The following SPRY3 variants were observed in gnomAD, a reference collection of about 807,000 sequenced individuals.
SPRY3 encodes the protein protein sprouty homolog 3.
Under a neutral mutation model 20.2 loss-of-function variants are expected in SPRY3, and 15 were observed. The ratio of observed to expected loss-of-function variants is 0.74; its 90% CI spans 0.50 to 1.14. The LOEUF is 1.14. Among genes scored for constraint, SPRY3 ranks in the 50% most tolerant of loss-of-function variants. The pLI, the probability that SPRY3 is intolerant of heterozygous loss-of-function variation, is 0.00. For synonymous variants in SPRY3, 143 were observed against 136.5 expected, an observed-to-expected ratio of 1.05 and a Z score of -0.33; for missense variants, 364 against 363.9, an observed-to-expected ratio of 1.00 and a Z score of 0.00.
At chrX:155,679,089 C>T (rs1253661160) in intron 2 of SPRY3, among the ~76,000 whole-genome samples, 1 of 111,046 alleles carries the variant, frequency 9.0e-6, no homozygotes, top group Non-Finnish European at 1.9e-5. Flanking sequence ...GGAGAAATAG[C>T]TAATGTAAAT....
intron 2 of SPRY3, among the ~76,000 whole-genome samples, chrX:155,764,728 G>C (rs2091317788): frequency 6.6e-6 from 1 of 152,110 alleles, no homozygotes; most frequent in Admixed American, 6.5e-5. Flanking sequence ...GGAGCACAAA[G>C]AAGAGGACAA....
chrX:155,711,215 T>C (rs2090983871), intron 2 of SPRY3, among the ~76,000 whole-genome samples: 1 of 151,754 alleles, frequency 6.6e-6, no homozygotes, highest in Non-Finnish European at 1.5e-5. Flanking sequence ...TTTTTTAAAA[T>C]AGTTTGAGTA....
At chrX:155,718,344 G>T (rs1311272654) in intron 2 of SPRY3, among the ~76,000 whole-genome samples, 1 of 152,058 alleles carries the variant, frequency 6.6e-6, no homozygotes, top group East Asian at 1.9e-4. Context: ...CACCCTCCCA[G>T]ATAGCACTGT....
chrX:155,725,294 C>T (rs1258114439), intron 2 of SPRY3, among the ~76,000 whole-genome samples: 6 of 152,106 alleles, frequency 3.9e-5, no homozygotes, highest in Non-Finnish European at 7.4e-5. Context: ...TTTGTTGTGC[C>T]TCTGCCAGGC....
At chrX:155,747,328 G>C (rs2091232642) in intron 2 of SPRY3, among the ~76,000 whole-genome samples, 1 of 151,816 alleles carries the variant, frequency 6.6e-6, no homozygotes, top group Non-Finnish European at 1.5e-5. Flanking sequence ...TATTCCATTA[G>C]TACTTAGCTC....
At chrX:155,781,548 G>A (rs1205522915), downstream of SPRY3, 1 of 166,904 alleles carries the variant, frequency 6.0e-6, no homozygotes, top group Non-Finnish European at 1.5e-5. Context: ...AAGAATCCAG[G>A]TCTGCTGACT....
chrX:155,736,262 G>A (rs1298684851), intron 2 of SPRY3, among the ~76,000 whole-genome samples: 5 of 151,812 alleles, frequency 3.3e-5, no homozygotes, highest in African/African-American at 9.7e-5. Flanking sequence ...CTTCATTTAT[G>A]TATTTTTGAA....
At chrX:155,775,127 G>T in exon 4 of SPRY3, 1 of 261,932 alleles carries the variant, frequency 3.8e-6, no homozygotes, top group Non-Finnish European at 7.8e-6. Flanking sequence ...GCCTTTGGAA[G>T]CTTTCTTCTA....
intron 1 of SPRY3, among the ~76,000 whole-genome samples, chrX:155,635,307 T>A (rs945432462): frequency 2.7e-5 from 3 of 111,308 alleles, no homozygotes; most frequent in Non-Finnish European, 5.7e-5. Flanking sequence ...TTGGGCTGCT[T>A]CCAAGTCTTT....
At chrX:155,745,772 C>T (rs1201407006) in intron 2 of SPRY3, among the ~76,000 whole-genome samples, 1 of 151,998 alleles carries the variant, frequency 6.6e-6, no homozygotes, top group Non-Finnish European at 1.5e-5. Flanking sequence ...ATATAGTAAG[C>T]ACCGAATATA....
intron 2 of SPRY3, among the ~76,000 whole-genome samples, chrX:155,692,400 T>A (rs2124575311): frequency 1.8e-5 from 2 of 111,852 alleles, no homozygotes; most frequent in African/African-American, 6.5e-5. Flanking sequence ...CCTATATGTC[T>A]ATGCTTTCAC....
At chrX:155,647,272 C>A (rs2067960788) in intron 1 of SPRY3, among the ~76,000 whole-genome samples, 1 of 109,337 alleles carries the variant, frequency 9.1e-6, no homozygotes, top group Admixed American at 9.8e-5. Flanking sequence ...ATTGTTATAT[C>A]TTCTTCTTCT....
At chrX:155,720,162 A>G (rs2091047318) in intron 2 of SPRY3, among the ~76,000 whole-genome samples, 1 of 151,980 alleles carries the variant, frequency 6.6e-6, no homozygotes, top group Admixed American at 6.6e-5. Context: ...GTCTGACAAT[A>G]CTCCTCATGG....
intron 1 of SPRY3, among the ~76,000 whole-genome samples, chrX:155,650,014 T>A (rs941465569): frequency 9.0e-6 from 1 of 111,123 alleles, no homozygotes; most frequent in South Asian, 3.8e-4. Flanking sequence ...TCACAATTGC[T>A]AAAAAGAGAA....
At chrX:155,648,279 G>T (rs782158283) in intron 1 of SPRY3, among the ~76,000 whole-genome samples, 1 of 112,225 alleles carries the variant, frequency 8.9e-6, no homozygotes, top group Admixed American at 9.4e-5. Context: ...AGTTTCTTTC[G>T]CTATGCAGAA....
At chrX:155,720,276 A>G (rs1438800274) in intron 2 of SPRY3, among the ~76,000 whole-genome samples, 4 of 152,272 alleles carry the variant, frequency 2.6e-5, no homozygotes, top group South Asian at 2.1e-4. Flanking sequence ...GCTCAGTCGC[A>G]GTACAATAGA....
chrX:155,764,401 C>T (rs2091316363), intron 2 of SPRY3, among the ~76,000 whole-genome samples: 1 of 152,184 alleles, frequency 6.6e-6, no homozygotes, highest in African/African-American at 2.4e-5. Context: ...AATGTCTCAA[C>T]ATCAAATTTC....
intron 2 of SPRY3, among the ~76,000 whole-genome samples, chrX:155,688,031 T>G (rs1180372605): frequency 9.5e-6 from 1 of 105,705 alleles, no homozygotes; most frequent in Non-Finnish European, 2.0e-5. Flanking sequence ...TTCCTGATGC[T>G]CTCCCTCCCC....
At position 155,698,746 on chromosome X, in the gene SPRY3, A is replaced by G. The variant is rs1268571803; in HGVS notation, c.-282+41721A>G. The stretch of plus-strand genomic sequence containing the variant: ...ACTATCTATCCCTATTTCACCATCC[A>G]CTTTAATATTTTGTGACTCTTTCCT... On this transcript the variant is annotated intron_variant, in intron 2 of 3. Coordinates refer to ENST00000675360, the Ensembl canonical transcript of SPRY3. Among the ~76,000 whole-genome samples the G allele has an allele frequency of 3.6e-5, 4 of 111,845 alleles. No homozygotes were observed. The Admixed American group carries it at 3.8e-4, about 11-fold the overall frequency.
Sources: allele counts gnomAD v4.1 joint callset (sites outside exome capture counted in the v4.1 genomes callset), GRCh38; gene constraint gnomAD v4.1.1; transcripts MANE v1.5; gene names NCBI Gene and HGNC (gene_info 2026-07-23, HGNC 2026-07-21).